Variants in BABAM2 observed in about 807,000 individuals in gnomAD.
The protein encoded by BABAM2 is BRISC and BRCA1-A complex member 2.
In BABAM2, 31 loss-of-function variants were observed where a neutral mutation model predicts 54.7. The ratio of observed to expected loss-of-function variants is 0.57; its 90% CI spans 0.43 to 0.77. The LOEUF (loss-of-function observed/expected upper bound fraction) is 0.77. Among genes scored for constraint, BABAM2 ranks in the 30% least tolerant of loss-of-function variants. The pLI, the probability that BABAM2 is intolerant of heterozygous loss-of-function variation, is 0.00. For synonymous variants in BABAM2, 167 were observed against 162.9 expected, an observed-to-expected ratio of 1.03 and a Z score of -0.19; for missense variants, 364 against 455.8, an observed-to-expected ratio of 0.80 and a Z score of 1.83.
chr2:27,896,896 G>T, intron 2 of BABAM2: 1 of 181,934 alleles, frequency 5.5e-6, no homozygotes, highest in Admixed American at 5.5e-5. Flanking sequence ...CTCTGGTGAT[G>T]GTCATATCAG....
chr2:28,250,497 T>C (rs916771625), intron 10 of BABAM2, among the ~76,000 whole-genome samples: 8 of 151,392 alleles, frequency 5.3e-5, no homozygotes, highest in Admixed American at 5.3e-4. Context: ...TTAATTGTCA[T>C]ATATATTACA....
At chr2:28,254,559 G>A (rs913862242) in intron 10 of BABAM2, among the ~76,000 whole-genome samples, 23 of 151,540 alleles carry the variant, frequency 1.5e-4, no homozygotes, top group African/African-American at 5.3e-4. Context: ...AAACGTGAAA[G>A]TAGAAAGAAA....
At chr2:28,198,487 T>G (rs566499996) in intron 7 of BABAM2, among the ~76,000 whole-genome samples, 62 of 152,078 alleles carry the variant, frequency 4.1e-4, no homozygotes, top group African/African-American at 1.3e-3. Flanking sequence ...AAAGGAAATT[T>G]GCAGCCTGGA....
chr2:27,926,719 G>C lies in BABAM2; in HGVS notation c.129-3113G>C, dbSNP rs1278073739. Among the ~76,000 whole-genome samples the C allele has an allele frequency of 2.6e-5, 4 of 151,948 alleles. No homozygotes were observed. The East Asian group carries it at 5.8e-4, about 22-fold the overall frequency. On this transcript the variant is annotated intron_variant, in intron 2 of 11. Transcript: ENST00000379624. ...CAGTCCTATAATCCTAACACCTAGA[G>C]CAATGCTTGATAAATCTTATCTAAA...
At chr2:28,130,015 G>T (rs1269157698) in intron 7 of BABAM2, among the ~76,000 whole-genome samples, 1 of 152,212 alleles carries the variant, frequency 6.6e-6, no homozygotes, top group Non-Finnish European at 1.5e-5. Flanking sequence ...TATTGTGGGT[G>T]AAATGCTTTA....
intron 10 of BABAM2, among the ~76,000 whole-genome samples, chr2:28,282,985 G>A (rs1686494728): frequency 2.2e-5 from 1 of 44,540 alleles, no homozygotes; most frequent in Non-Finnish European, 4.4e-5. Flanking sequence ...GCAGCAGAGC[G>A]AGACTCCGTC....
chr2:28,013,694 TACACACACACACACACACAC>T (rs56148921), intron 4 of BABAM2, among the ~76,000 whole-genome samples: 17 of 105,996 alleles, frequency 1.6e-4, no homozygotes, highest in South Asian at 3.8e-4. Context: ...AAAAAGCTCT[TACACACACACACACACACAC>T]ACACACACAC....
chr2:28,116,799 C>CA (rs1471890810), intron 6 of BABAM2, among the ~76,000 whole-genome samples: 1 of 152,178 alleles, frequency 6.6e-6, no homozygotes, highest in Non-Finnish European at 1.5e-5. Context: ...CGTACATTTG[C>CA]AAAAGCTGTG....
intron 2 of BABAM2, among the ~76,000 whole-genome samples, chr2:27,906,108 T>TG (rs984684514): frequency 2.0e-5 from 3 of 152,150 alleles, no homozygotes; most frequent in African/African-American, 7.2e-5. Context: ...GCATAAGCGG[T>TG]GGGCTGTTGA....
intron 5 of BABAM2, among the ~76,000 whole-genome samples, chr2:28,034,960 A>G (rs554204917): frequency 1.2e-4 from 18 of 152,142 alleles, no homozygotes; most frequent in Non-Finnish European, 2.5e-4. Flanking sequence ...ATGCTGTCCA[A>G]TACAGGAGCT....
rs905801191 is a variant in BABAM2, at chr2:28,084,162, AT to A, written c.570+38368del. Among the ~76,000 whole-genome samples the A allele has an allele frequency of 6.6e-5, 10 of 152,104 alleles. No individual in the cohort carries two copies. In the South Asian group the frequency reaches 1.0e-3, roughly 16 times the overall value. On this transcript the variant is annotated intron_variant, in intron 6 of 11. Coordinates refer to ENST00000379624, the MANE Select transcript of BABAM2 (RefSeq NM_199191.3). ...AGAGACACAGCGGCAACCATACAGG[AT>A]TTTTATACTTGTACTAAGGACTTGG...
chr2:27,913,339 C>T (rs138562999), intron 2 of BABAM2, among the ~76,000 whole-genome samples: 3 of 152,028 alleles, frequency 2.0e-5, no homozygotes, highest in South Asian at 2.1e-4. Context: ...TTGAATAGCA[C>T]GATTCTAGAA....
intron 3 of BABAM2, among the ~76,000 whole-genome samples, chr2:27,947,972 C>T (rs1669422386): frequency 6.6e-6 from 1 of 152,008 alleles, no homozygotes; most frequent in Admixed American, 6.5e-5. Flanking sequence ...ATATTGAAAC[C>T]ACAGTTTTGA....
chr2:28,133,124 A>C (rs1670234018), intron 7 of BABAM2, among the ~76,000 whole-genome samples: 1 of 152,238 alleles, frequency 6.6e-6, no homozygotes, highest in Admixed American at 6.5e-5. Context: ...TAAAAGAAGT[A>C]AACTTGGGGT....
intron 7 of BABAM2, among the ~76,000 whole-genome samples, chr2:28,146,910 T>A (rs1375392387): frequency 6.6e-6 from 1 of 152,192 alleles, no homozygotes; most frequent in East Asian, 1.9e-4. Flanking sequence ...GTACTGAAAC[T>A]AAGGAAGTTT....
chr2:28,068,202 A>G (rs987324543), intron 6 of BABAM2, among the ~76,000 whole-genome samples: 1 of 152,232 alleles, frequency 6.6e-6, no homozygotes, highest in Non-Finnish European at 1.5e-5. Context: ...AAGAATAGGA[A>G]CAGACTTCTG....
chr2:27,918,167 A>AT (rs1219714587), intron 2 of BABAM2, among the ~76,000 whole-genome samples: 8 of 152,194 alleles, frequency 5.3e-5, no homozygotes, highest in Admixed American at 1.3e-4. Context: ...CATTAAGTAT[A>AT]TTTACATTGT....
chr2:28,181,489 A>G (rs1335537978), intron 7 of BABAM2, among the ~76,000 whole-genome samples: 1 of 152,186 alleles, frequency 6.6e-6, no homozygotes, highest in Non-Finnish European at 1.5e-5. Flanking sequence ...AAATTCTAAT[A>G]TTTGATAGCA....
chr2:28,147,768 C>T (rs184051466), intron 7 of BABAM2, among the ~76,000 whole-genome samples: 15 of 152,294 alleles, frequency 9.8e-5, no homozygotes, highest in East Asian at 5.8e-4. Flanking sequence ...CCACTGCGCC[C>T]GGCCTCCCTT....
Sources: allele counts gnomAD v4.1 joint callset (sites outside exome capture counted in the v4.1 genomes callset), GRCh38; gene constraint gnomAD v4.1.1; transcripts MANE v1.5; gene names NCBI Gene and HGNC (gene_info 2026-07-23, HGNC 2026-07-21).